Variants in CLEC20A observed in about 807,000 individuals in gnomAD.
CLEC20A encodes C-type lectin domain containing 20A.
intron 2 of CLEC20A, 72 bp downstream of exon 2, chr1:178,494,382 G>T (rs1050200180): frequency 3.0e-5 from 12 of 398,776 alleles, no homozygotes; most frequent in Non-Finnish European, 5.3e-5. Flanking sequence ...TCACACCACT[G>T]CACTCCAGCC....
chr1:178,478,898 C>T (rs1648859272), downstream of CLEC20A: 1 of 152,180 alleles, frequency 6.6e-6, no homozygotes, highest in Non-Finnish European at 1.5e-5. Flanking sequence ...TGTCTTCTAG[C>T]ATGCACCTGG....
At chr1:178,487,634 C>A (rs1324323732) in intron 5 of CLEC20A, among the ~76,000 whole-genome samples, 1 of 152,268 alleles carries the variant, frequency 6.6e-6, no homozygotes, top group Admixed American at 6.5e-5. Context: ...CTATACCAAG[C>A]ACCAGCCTCT....
intron 6 of CLEC20A, 188 bp downstream of exon 6, chr1:178,482,980 AGAAACTT>A: frequency 5.2e-6 from 2 of 385,454 alleles, no homozygotes; most frequent in Non-Finnish European, 9.2e-6. Context: ...ATAGAAATTC[AGAAACTT>A]GTCCCCTAAG....
intron 6 of CLEC20A, chr1:178,482,970 A>G (rs190685134): frequency 7.1e-4 from 271 of 381,312 alleles, no homozygotes; most frequent in African/African-American, 5.0e-3. Flanking sequence ...CAGAAGAGAA[A>G]TAGAAATTCA....
upstream of CLEC20A, among the ~76,000 whole-genome samples, chr1:178,498,137 G>A (rs891667369): frequency 3.9e-5 from 6 of 152,038 alleles, no homozygotes; most frequent in Admixed American, 1.3e-4. Flanking sequence ...GGACTACACC[G>A]CAGGCAGAGG....
chr1:178,496,318 C>G (rs1033750485), intron 1 of CLEC20A: 1 of 152,684 alleles, frequency 6.5e-6, no homozygotes. Context: ...TCCCCACACG[C>G]CCCGACTCTG....
chr1:178,489,723 G>T (rs1351057936), intron 4 of CLEC20A, among the ~76,000 whole-genome samples: 1 of 152,194 alleles, frequency 6.6e-6, no homozygotes, highest in East Asian at 1.9e-4. Context: ...ATGAGGAAAA[G>T]GAGGCTCCGA....
At chr1:178,489,587 G>A (rs945313864) in intron 4 of CLEC20A, among the ~76,000 whole-genome samples, 12 of 151,998 alleles carry the variant, frequency 7.9e-5, no homozygotes, top group African/African-American at 7.3e-5. Context: ...AATGGCTCCC[G>A]TCCACCGGGG....
At chr1:178,485,050 A>C (rs1412058900) in intron 5 of CLEC20A, among the ~76,000 whole-genome samples, 1 of 152,272 alleles carries the variant, frequency 6.6e-6, no homozygotes, top group Non-Finnish European at 1.5e-5. Flanking sequence ...AGGAGGAAAC[A>C]TCTGTATTTT....
Position 178,490,063 on chromosome 1 carries a change from C to T in CLEC20A, c.829+9G>A, listed in dbSNP as rs1649236196. The T allele has an allele frequency of 5.0e-6, 2 of 398,826 alleles. No individual in the cohort carries two copies. 24.7% of individuals were successfully genotyped at this position (398,826 alleles called of 1,614,324 possible). A position where few individuals can be genotyped will look rare whatever the true frequency, so the allele number is the denominator to read the frequency against. ...GGCCGAGGGCCAGCAAGAGCAGACT[C>T]TCACTCACCATAGAAGCAGAAGAAG... On this transcript the variant is annotated intron_variant, in intron 4 of 7. Coordinates refer to ENST00000623247, the Ensembl canonical transcript of CLEC20A.
chr1:178,481,441 G>A (rs1007464040), intron 7 of CLEC20A: 3 of 152,152 alleles, frequency 2.0e-5, no homozygotes, highest in Non-Finnish European at 2.9e-5. Context: ...GCTAAATGGT[G>A]TATAGGGTAC....
At chr1:178,493,302 TAGGC>T (rs1032935880) in intron 2 of CLEC20A, among the ~76,000 whole-genome samples, 1 of 152,184 alleles carries the variant, frequency 6.6e-6, no homozygotes, top group African/African-American at 2.4e-5. Flanking sequence ...CATTTAAATC[TAGGC>T]AGCCACCACC....
intron 1 of CLEC20A, among the ~76,000 whole-genome samples, chr1:178,495,600 A>G (rs1402310961): frequency 6.6e-6 from 1 of 152,172 alleles, no homozygotes; most frequent in Non-Finnish European, 1.5e-5. Flanking sequence ...AGCCTCATTC[A>G]TTATATTCCC....
intron 3 of CLEC20A, among the ~76,000 whole-genome samples, chr1:178,491,687 G>T (rs556197679): frequency 8.9e-4 from 135 of 152,310 alleles, no homozygotes; most frequent in African/African-American, 3.2e-3. Context: ...TCCATACCAT[G>T]CAGAAAACCC....
At chr1:178,490,788 G>C (rs1649250802) in intron 3 of CLEC20A, among the ~76,000 whole-genome samples, 1 of 152,234 alleles carries the variant, frequency 6.6e-6, no homozygotes, top group East Asian at 1.9e-4. Context: ...TATGCAAATG[G>C]TTTAGCACAG....
At chr1:178,494,746 G>A (rs931841251) in exon 2 of CLEC20A, 64 of 399,288 alleles carry the variant, frequency 1.6e-4, no homozygotes, top group East Asian at 1.3e-3. Flanking sequence ...GCTGCTGGGC[G>A]TCGTACCAGC....
At chr1:178,486,717 T>TA (rs1285463185) in intron 5 of CLEC20A, 3 of 398,172 alleles carry the variant, frequency 7.5e-6, no homozygotes, top group Non-Finnish European at 1.3e-5. Flanking sequence ...GAGTCGCAGT[T>TA]ACTTCCTGGG....
At chr1:178,496,933 G>A (rs756798321) in exon 1 of CLEC20A, 85 of 400,062 alleles carry the variant, frequency 2.1e-4, no homozygotes, top group East Asian at 4.3e-4. Context: ...AGCGCCCGGG[G>A]CAGCATGGCT....
exon 4 of CLEC20A, chr1:178,490,358 G>T (rs1649243445): frequency 5.0e-6 from 2 of 398,562 alleles, no homozygotes; most frequent in African/African-American, 2.1e-5. Context: ...TGTGGTGGCT[G>T]CGGCAGTACA....
Sources: allele counts gnomAD v4.1 joint callset (sites outside exome capture counted in the v4.1 genomes callset), GRCh38; gene constraint gnomAD v4.1.1; transcripts MANE v1.5; gene names NCBI Gene and HGNC (gene_info 2026-07-23, HGNC 2026-07-21).